The following IL1RAPL2 variants were observed in gnomAD, a reference collection of about 807,000 sequenced individuals.
IL1RAPL2 encodes the protein X-linked interleukin-1 receptor accessory protein-like 2.
Under a neutral mutation model 44.1 loss-of-function variants are expected in IL1RAPL2, and 3 were observed. The observed-to-expected ratio is 0.07, with a 90% CI of 0.03 to 0.18. The LOEUF (loss-of-function observed/expected upper bound fraction) is 0.18. Among genes scored for constraint, IL1RAPL2 ranks in the 10% least tolerant of loss-of-function variants. IL1RAPL2 has a pLI of 1.00. For synonymous variants in IL1RAPL2, 181 were observed against 178.8 expected, an observed-to-expected ratio of 1.01 and a Z score of -0.10; for missense variants, 391 against 496.4, an observed-to-expected ratio of 0.79 and a Z score of 2.02.
chrX:104,821,176 A>G (rs1481592842), intron 2 of IL1RAPL2, among the ~76,000 whole-genome samples: 1 of 112,332 alleles, frequency 8.9e-6, no homozygotes, highest in Non-Finnish European at 1.9e-5. Context: ...CTGAGTATCT[A>G]GAACTGAGCA....
intron 1 of IL1RAPL2, among the ~76,000 whole-genome samples, chrX:104,638,847 G>T (rs1278243601): frequency 1.8e-5 from 2 of 112,263 alleles, no homozygotes; most frequent in Non-Finnish European, 3.8e-5. Flanking sequence ...TTGCTGGACA[G>T]AATGTTCTGT....
intron 5 of IL1RAPL2, among the ~76,000 whole-genome samples, chrX:105,382,870 C>G (rs1353472971): frequency 1.9e-5 from 2 of 103,713 alleles, no homozygotes; most frequent in Non-Finnish European, 3.9e-5. Context: ...ATCGTAAGAA[C>G]AAAAAACCAA....
At chrX:104,711,980 A>G (rs1311803014) in intron 2 of IL1RAPL2, among the ~76,000 whole-genome samples, 1 of 111,011 alleles carries the variant, frequency 9.0e-6, no homozygotes, top group Non-Finnish European at 1.9e-5. Flanking sequence ...ATGCCTAGTA[A>G]GTTTATTTAC....
intron 2 of IL1RAPL2, among the ~76,000 whole-genome samples, chrX:104,674,241 T>G (rs191890944): frequency 0.019 from 2,080 of 111,805 alleles, 48 homozygotes; most frequent in African/African-American, 0.063. Context: ...GGGTTTGTCA[T>G]AGATAGCTCT....
At position 105,000,456 on chromosome X, in the gene IL1RAPL2, A is replaced by C. The variant is rs777465539; in HGVS notation, c.83-195019A>C. Among the ~76,000 whole-genome samples, 13 of 111,028 alleles carry C rather than the reference A, an allele frequency of 1.2e-4. No homozygotes were observed. In the South Asian group the frequency reaches 5.0e-3, roughly 42 times the overall value. ...CCTGTTTGCCCTCTGCTAAGATGATATGGACCCTACCTGAGATTATTATGG... is the reference window on the plus strand; with the variant it reads ...CCTGTTTGCCCTCTGCTAAGATGATCTGGACCCTACCTGAGATTATTATGG... On this transcript the variant is annotated intron_variant, in intron 2 of 10. Coordinates refer to ENST00000372582, the MANE Select transcript of IL1RAPL2 (RefSeq NM_017416.2).
intron 2 of IL1RAPL2, among the ~76,000 whole-genome samples, chrX:105,179,893 CTT>C (rs2033512498): frequency 9.1e-6 from 1 of 109,944 alleles, no homozygotes; most frequent in African/African-American, 3.3e-5. Flanking sequence ...TTAGTGGAGT[CTT>C]TAGGTTTTTT....
chrX:104,576,643 A>T (rs1318422977), intron 1 of IL1RAPL2, among the ~76,000 whole-genome samples: 1 of 112,121 alleles, frequency 8.9e-6, no homozygotes. Flanking sequence ...TCTAAAATGT[A>T]CAATTATTTC....
intron 3 of IL1RAPL2, among the ~76,000 whole-genome samples, chrX:105,216,675 A>C (rs1022857539): frequency 7.2e-5 from 8 of 111,630 alleles, no homozygotes; most frequent in Admixed American, 5.7e-4. Flanking sequence ...ACAAAACTGG[A>C]GGCATCACAC....
intron 2 of IL1RAPL2, among the ~76,000 whole-genome samples, chrX:105,067,794 C>G (rs746022003): frequency 1.8e-5 from 2 of 111,719 alleles, no homozygotes; most frequent in Admixed American, 1.9e-4. Context: ...TGCACACACA[C>G]GCGCGCATGC....
chrX:104,910,631 C>G (rs1189371173), intron 2 of IL1RAPL2, among the ~76,000 whole-genome samples: 1 of 111,538 alleles, frequency 9.0e-6, no homozygotes, highest in Non-Finnish European at 1.9e-5. Context: ...ATGGTCAGTA[C>G]AGCAAACTTG....
At chrX:105,197,592 G>A (rs1262691998) in intron 3 of IL1RAPL2, among the ~76,000 whole-genome samples, 1 of 111,073 alleles carries the variant, frequency 9.0e-6, no homozygotes, top group Non-Finnish European at 1.9e-5. Flanking sequence ...TAACAACTTA[G>A]TGATCCCTAC....
chrX:104,838,685 T>A (rs1225464104), intron 2 of IL1RAPL2, among the ~76,000 whole-genome samples: 2 of 110,377 alleles, frequency 1.8e-5, no homozygotes, highest in South Asian at 7.9e-4. Flanking sequence ...ACAATTTGAT[T>A]TCCCCTCTTC....
At chrX:105,035,041 C>A (rs1428283876) in intron 2 of IL1RAPL2, among the ~76,000 whole-genome samples, 1 of 111,443 alleles carries the variant, frequency 9.0e-6, no homozygotes, top group African/African-American at 3.3e-5. Flanking sequence ...CCCTCCAAGC[C>A]AGGTGCAGGA....
At chrX:104,704,132 C>A (rs1309912490) in intron 2 of IL1RAPL2, among the ~76,000 whole-genome samples, 6 of 111,982 alleles carry the variant, frequency 5.4e-5, no homozygotes, top group Non-Finnish European at 1.1e-4. Flanking sequence ...TAAATAGTTT[C>A]TTTATAATTC....
chrX:105,713,183 T>C (rs939267118), intron 6 of IL1RAPL2, among the ~76,000 whole-genome samples: 6 of 111,640 alleles, frequency 5.4e-5, no homozygotes, highest in African/African-American at 2.0e-4. Flanking sequence ...GTCTGGAGGA[T>C]GGTGGTCCTC....
In IL1RAPL2 at chrX:105,678,209, A is replaced by T. The variant is rs181842708; in HGVS notation, c.773-39158A>T. On this transcript the variant is annotated intron_variant, in intron 6 of 10. Transcript: ENST00000372582. ...GTAACACATGAGCAATAAACTTTTT[A>T]AAAAAATCTTGTGAGTACATAGGAG... Among the ~76,000 whole-genome samples, 730 of 112,405 alleles carry T rather than the reference A, an allele frequency of 6.5e-3. 8 individuals are homozygous for T. The highest frequency in any genetic ancestry group is 0.018 in the Middle Eastern group (4 of 219).
At chrX:105,046,821 C>CTTT (rs5903258) in intron 2 of IL1RAPL2, among the ~76,000 whole-genome samples, 24,593 of 75,641 alleles carry the variant, frequency 0.33, 2,868 homozygotes, top group East Asian at 0.58. Flanking sequence ...AAGCACTAAC[C>CTTT]TTTTTTTTTT....
chrX:105,566,391 C>T (rs887640943), intron 6 of IL1RAPL2, among the ~76,000 whole-genome samples: 1 of 111,276 alleles, frequency 9.0e-6, no homozygotes, highest in African/African-American at 3.3e-5. Flanking sequence ...GGCTGATATC[C>T]AGGTTTCTGA....
intron 2 of IL1RAPL2, among the ~76,000 whole-genome samples, chrX:104,775,030 A>G (rs1463485060): frequency 8.9e-6 from 1 of 112,267 alleles, no homozygotes; most frequent in Non-Finnish European, 1.9e-5. Context: ...ATGACTTTTA[A>G]TGTGCACCGA....
Sources: gnomAD v4.1 joint callset for allele counts (sites outside exome capture counted in the v4.1 genomes callset) on GRCh38, gnomAD v4.1.1 for gene constraint, MANE v1.5 for transcripts, NCBI Gene and HGNC (gene_info 2026-07-23, HGNC 2026-07-21) for gene names.